The following RXFP2 variants were observed in gnomAD, a reference collection of about 807,000 sequenced individuals.
RXFP2 encodes relaxin receptor 2.
RXFP2 carries 68 observed loss-of-function variants against 88.6 expected under a neutral mutation model. The ratio of observed to expected loss-of-function variants is 0.77; its 90% CI spans 0.63 to 0.94. RXFP2 has a LOEUF of 0.94. Among genes scored for constraint, RXFP2 ranks in the 40% least tolerant of loss-of-function variants. The pLI, the probability that RXFP2 is intolerant of heterozygous loss-of-function variation, is 0.00. For missense variants in RXFP2, 791 were observed against 893.9 expected, an observed-to-expected ratio of 0.88 and a Z score of 1.47; for synonymous variants, 329 against 306.8, an observed-to-expected ratio of 1.07 and a Z score of -0.76.
At chr13:31,763,454 G>A (rs1204833104) in intron 3 of RXFP2, among the ~76,000 whole-genome samples, 2 of 152,156 alleles carry the variant, frequency 1.3e-5, no homozygotes, top group Non-Finnish European at 2.9e-5. Context: ...GTAGAGGCCA[G>A]GGCTACTGCT....
At chr13:31,758,457 A>C (rs900832537) in intron 2 of RXFP2, 53 bp downstream of exon 2, 54 of 1,594,260 alleles carry the variant, frequency 3.4e-5, no homozygotes, top group Non-Finnish European at 2.2e-5. Context: ...AACACCCCAA[A>C]ACTGTGGGTC....
chr13:31,741,157 A>G (rs1871212150), intron 1 of RXFP2, among the ~76,000 whole-genome samples: 1 of 152,092 alleles, frequency 6.6e-6, no homozygotes, highest in Non-Finnish European at 1.5e-5. Context: ...GTGATTTACC[A>G]TAATGTAAAG....
chr13:31,747,744 T>TATTA (rs1303685663), intron 1 of RXFP2, among the ~76,000 whole-genome samples: 1 of 152,238 alleles, frequency 6.6e-6, no homozygotes, highest in East Asian at 1.9e-4. Context: ...ACCAGCTTAA[T>TATTA]AGTATAATAA....
rs774288546 is a variant in RXFP2 at position 31,765,110 on chromosome 13, T to C, written c.393T>C (p.Ser131=). The change falls in exon 4 of 18, where the codon TCT becomes TCC. Residue 131 remains serine (S), a synonymous_variant. Coordinates refer to ENST00000298386, the MANE Select transcript of RXFP2 (RefSeq NM_130806.5). ...AATGTGTAAATGGTGACTTAAAGTC[T>C]GTGCCGATGATTTCTAACAATGTGA... ...ELECVNGDLK[S]VPMISNNVTL... 36 of 1,609,004 alleles carry C rather than the reference T, an allele frequency of 2.2e-5. No homozygotes were observed. The South Asian group carries it at 3.8e-4, about 17-fold the overall frequency.
At chr13:31,785,578 T>G (rs533939736) in intron 11 of RXFP2, among the ~76,000 whole-genome samples, 1 of 151,658 alleles carries the variant, frequency 6.6e-6, no homozygotes, top group South Asian at 2.1e-4. Flanking sequence ...CTACTCTAAA[T>G]GTAAGCTTCT....
intron 17 of RXFP2, among the ~76,000 whole-genome samples, chr13:31,801,721 A>C (rs1026104782): frequency 6.6e-6 from 1 of 152,224 alleles, no homozygotes; most frequent in Non-Finnish European, 1.5e-5. Context: ...ATAAGCTTTG[A>C]GAACTGGATG....
In RXFP2 at chr13:31,739,578, G is replaced by T; in HGVS notation, c.-35G>T. On this transcript the variant is annotated 5_prime_UTR_variant, in exon 1 of 18. Transcript: ENST00000298386. ...CATCAGAACTCCTGCTGAGGTATAAGAGGATACGTCTAATAACTCAATTGC... is the reference window on the plus strand; with the variant it reads ...CATCAGAACTCCTGCTGAGGTATAATAGGATACGTCTAATAACTCAATTGC... 1.5e-6 allele frequency: 2 copies of T among 1,353,568 alleles called. No individual in the cohort carries two copies. The highest frequency in any genetic ancestry group is 2.3e-5 in the South Asian group (2 of 85,782). The allele number at this position is 1,353,568 out of a possible 1,614,324, so 83.8% of individuals were successfully genotyped here.
intron 5 of RXFP2, among the ~76,000 whole-genome samples, chr13:31,768,135 T>A (rs182598608): frequency 1.3e-5 from 2 of 152,294 alleles, no homozygotes; most frequent in East Asian, 3.9e-4. Context: ...CAAGATTAGC[T>A]AGCAATTTCT....
At chr13:31,744,589 T>C (rs968172995) in intron 1 of RXFP2, among the ~76,000 whole-genome samples, 1 of 152,248 alleles carries the variant, frequency 6.6e-6, no homozygotes, top group African/African-American at 2.4e-5. Context: ...AGTGGCATAA[T>C]GGCTATTTTA....
At position 31,797,227 on chromosome 13, in the gene RXFP2, A is replaced by G. The variant is rs746749628; in HGVS notation, c.1813A>G (p.Ile605Val). Residue 605 changes from isoleucine to valine, a missense_variant, in exon 17 of 18, where the codon ATT (isoleucine) becomes GTT (valine). Ile to Val is a conservative substitution (Grantham distance 29). Coordinates refer to ENST00000298386, the MANE Select transcript of RXFP2 (RefSeq NM_130806.5). Reference protein sequence around the residue: ...LGVNLLAFLIIVFSYITMFCS... With the variant: ...LGVNLLAFLIVVFSYITMFCS... Reference sequence around the variant, plus strand: ...TGTGAACTTGCTGGCTTTTCTCATCATTGTGTTTTCCTATATTACTATGTT... The same window carrying G: ...TGTGAACTTGCTGGCTTTTCTCATCGTTGTGTTTTCCTATATTACTATGTT... 12 of 1,613,536 alleles carry G rather than the reference A, an allele frequency of 7.4e-6. No individual in the cohort carries two copies. Among genetic ancestry groups the G allele is most frequent in the Non-Finnish European group, 1.0e-5 (12 of 1,179,608 alleles).
At chr13:31,798,755 T>A (rs1874178200) in intron 17 of RXFP2, among the ~76,000 whole-genome samples, 1 of 152,182 alleles carries the variant, frequency 6.6e-6, no homozygotes, top group Non-Finnish European at 1.5e-5. Flanking sequence ...TTTTCTATGC[T>A]TTTCTGAGAA....
rs1183760907 is a variant in RXFP2, at chr13:31,789,205, TA to T, written c.1145+18del. On this transcript the variant is annotated intron_variant, in intron 14 of 17. Coordinates refer to ENST00000298386, the MANE Select transcript of RXFP2 (RefSeq NM_130806.5). ...AATCTTTCTCACATGTACGTATGTA[TA>T]AAAAATGGAGGAGGAAGCATGGTAA... The T allele has an allele frequency of 2.6e-6, 4 of 1,546,916 alleles. No individual in the cohort carries two copies. The highest frequency in any genetic ancestry group is 1.4e-5 in the African/African-American group (1 of 73,420).
chr13:31,767,502 T>C (rs562258372), intron 5 of RXFP2, among the ~76,000 whole-genome samples: 2 of 152,286 alleles, frequency 1.3e-5, no homozygotes, highest in South Asian at 4.1e-4. Flanking sequence ...GCCTGAATAA[T>C]ACATGTGGGA....
intron 9 of RXFP2, among the ~76,000 whole-genome samples, chr13:31,778,977 G>T (rs528168611): frequency 3.3e-5 from 5 of 152,166 alleles, no homozygotes; most frequent in African/African-American, 1.2e-4. Flanking sequence ...CCTCCAGGAG[G>T]TCATTCCTGA....
rs188431224 is a variant in RXFP2, at chr13:31,741,887, C to G, written c.94+2181C>G. ...AAATTAAAAGCATGAAGTATTGAGA[C>G]TGCTACTTGGTAACTACCAATTGTG... On this transcript the variant is annotated intron_variant, in intron 1 of 17. Coordinates refer to ENST00000298386, the MANE Select transcript of RXFP2 (RefSeq NM_130806.5). Among the ~76,000 whole-genome samples the G allele has an allele frequency of 2.3e-3, 348 of 151,956 alleles. 3 individuals are homozygous for G. The highest frequency in any genetic ancestry group is 0.014 in the Middle Eastern group (4 of 294).
At chr13:31,748,495 C>A (rs781415024) in intron 1 of RXFP2, among the ~76,000 whole-genome samples, 1 of 152,064 alleles carries the variant, frequency 6.6e-6, no homozygotes, top group African/African-American at 2.4e-5. Context: ...AGATTTAATA[C>A]CTTTTCAGAT....
At chr13:31,779,430 T>C (rs1873162206) in intron 9 of RXFP2, among the ~76,000 whole-genome samples, 1 of 152,184 alleles carries the variant, frequency 6.6e-6, no homozygotes, top group Non-Finnish European at 1.5e-5. Flanking sequence ...CAGAAACCTA[T>C]AGTATGATTT....
chr13:31,802,203 C>T lies in RXFP2; in HGVS notation c.2063C>T (p.Pro688Leu). ...CTTCCAGTTAACAGTGCTTTGAATC[C>T]AATCCTCTATACTCTCACAACCAAC... ...FFLPVNSALN[P>L]ILYTLTTNFF... The change falls in exon 18 of 18, where the codon CCA (proline) becomes CTA (leucine). Residue 688 changes from proline to leucine, a missense_variant. By Grantham distance (98) the Pro-to-Leu change is moderately conservative. Transcript: ENST00000298386. 2.5e-6 allele frequency: 4 copies of T among 1,613,674 alleles called. No individual in the cohort carries two copies. The highest frequency in any genetic ancestry group is 3.4e-6 in the Non-Finnish European group (4 of 1,179,726).
Position 31,786,654 on chromosome 13 carries a change from A to G in RXFP2, c.1073+17A>G. 1.4e-6 allele frequency: 2 copies of G among 1,432,104 alleles called. No homozygotes were observed. Among genetic ancestry groups the G allele is most frequent in the Non-Finnish European group, 9.8e-7 (1 of 1,017,192 alleles). The allele number at this position is 1,432,104 out of a possible 1,614,324, so 88.7% of individuals were successfully genotyped here. A position where few individuals can be genotyped will look rare whatever the true frequency, so the allele number is the denominator to read the frequency against. ...TCAGTCTCTGTAAGTGAAATATTAC[A>G]ATTATATTGATTATAATTTTAGTGG... On this transcript the variant is annotated intron_variant, in intron 13 of 17. Transcript: ENST00000298386.
Sources: allele counts gnomAD v4.1 joint callset (sites outside exome capture counted in the v4.1 genomes callset), GRCh38; gene constraint gnomAD v4.1.1; transcripts MANE v1.5; gene names NCBI Gene and HGNC (gene_info 2026-07-23, HGNC 2026-07-21).